Variants in TECR observed in about 807,000 individuals in gnomAD.
The protein encoded by TECR is trans-2,3-enoyl-CoA reductase.
A neutral mutation model predicts 50.6 loss-of-function variants in TECR; 19 were observed. The observed-to-expected ratio is 0.38, with a 90% confidence interval of 0.26 to 0.55. The LOEUF (loss-of-function observed/expected upper bound fraction) is 0.55, where lower values mean the gene tolerates loss of function less well. Among genes scored for constraint, TECR ranks in the 20% least tolerant of loss-of-function variants. The pLI, the probability that TECR is intolerant of heterozygous loss-of-function variation, is 0.79. For missense variants in TECR, 313 were observed against 408.3 expected (o/e 0.77, Z 2.01); for synonymous variants, 168 against 163.5 (o/e 1.03, Z -0.21).
intron 1 of TECR, among the ~76,000 whole-genome samples, chr19:14,555,839 G>A (rs924424629): frequency 2.0e-5 from 3 of 152,178 alleles, no homozygotes; most frequent in Admixed American, 2.0e-4. Flanking sequence ...TCCTGTCTCA[G>A]CCTCCTAAAG....
chr19:14,565,618 G>A lies in TECR; in HGVS notation c.754G>A (p.Val252Met). ...LVSCPNYTYE[V>M]GSWIGFAIMT... is the part of the protein sequence containing the mutation. ...GCTCACTCTCCGCCCCTGCCCACAG[G>A]TGGGGTCCTGGATCGGTTTCGCCAT... The change falls in exon 12 of 13, where the codon GTG (valine) becomes ATG (methionine). Residue 252 changes from valine (V) to methionine (M), a missense_variant and splice_region_variant. Physicochemically the swap from Val to Met is conservative, Grantham distance 21. Transcript: ENST00000215567. The A allele has an allele frequency of 1.9e-6, 3 of 1,611,410 alleles. No homozygotes were observed. Among genetic ancestry groups the A allele is most frequent in the South Asian group, 1.1e-5 (1 of 90,922 alleles).
chr19:14,563,405 C>T lies in TECR; in HGVS notation c.118+148C>T, dbSNP rs554273185. ...GCTTCTGGGGCGTGACTGGGGCAGG[C>T]GCCTCCACGTGGCACTCCGCAGGAA... On this transcript the variant is annotated intron_variant, in intron 3 of 12. Coordinates refer to ENST00000215567, the MANE Select transcript of TECR (RefSeq NM_138501.6). This position sits in a 1 kb window ranked among gnomAD's most constrained non-coding sequence, Gnocchi z 5.3. 4.0e-4 allele frequency: 355 copies of T among 885,784 alleles called. 1 individual carries two copies. The highest frequency in any genetic ancestry group is 3.5e-3 in the South Asian group (245 of 69,146). 54.9% of individuals were successfully genotyped at this position (885,784 alleles called of 1,614,324 possible).
intron 1 of TECR, among the ~76,000 whole-genome samples, chr19:14,560,405 C>T (rs1055467853): frequency 6.6e-6 from 1 of 152,176 alleles, no homozygotes; most frequent in African/African-American, 2.4e-5. Context: ...TGCCTGGGGC[C>T]CAGGAACTAT....
At chr19:14,553,904 C>T (rs1324582917) in intron 1 of TECR, among the ~76,000 whole-genome samples, 1 of 152,132 alleles carries the variant, frequency 6.6e-6, no homozygotes, top group Non-Finnish European at 1.5e-5. Context: ...TACCTGGGGC[C>T]CTGGTTGCAC....
upstream of TECR, chr19:14,529,526 G>A: frequency 1.2e-6 from 1 of 868,824 alleles, no homozygotes; most frequent in African/African-American, 1.7e-5. Flanking sequence ...GCGAACGTGG[G>A]CGCCTCGTGC....
chr19:14,562,474 A>G, intron 1 of TECR, 51 bp from the exon 2 acceptor site: 1 of 1,612,086 alleles, frequency 6.2e-7, no homozygotes, highest in African/African-American at 1.3e-5. Flanking sequence ...CCCCAGGCCC[A>G]CACCCCCAAA....
At position 14,565,859 on chromosome 19, in the gene TECR, C is replaced by T. The variant is rs199776149; in HGVS notation, c.915C>T (p.Pro305=). Reference sequence around the variant, plus strand: ...CGCCCCTGCGCATGCCCATCATCCCCTTCCTGCTCTGAGCGCTCACCCCTG... The same window carrying T: ...CGCCCCTGCGCATGCCCATCATCCCTTTCCTGCTCTGAGCGCTCACCCCTG... ...DYPPLRMPII[P]FLL Residue 305 remains proline, a synonymous_variant, in exon 13 of 13, where the codon CCC becomes CCT. Transcript: ENST00000215567. 158 of 1,593,478 alleles carry T rather than the reference C, an allele frequency of 9.9e-5. 1 individual carries two copies. The highest frequency in any genetic ancestry group is 2.0e-4 in the Middle Eastern group (1 of 5,098).
intron 1 of TECR, chr19:14,530,704 T>C (rs1246590677): frequency 1.3e-5 from 2 of 152,222 alleles, no homozygotes; most frequent in African/African-American, 4.8e-5. Context: ...TATGCCATGC[T>C]GGTCCTCAAA....
intron 7 of TECR, 27 bp from the exon 8 acceptor site, chr19:14,564,759 T>C: frequency 6.2e-7 from 1 of 1,606,588 alleles, no homozygotes; most frequent in Non-Finnish European, 8.5e-7. Context: ...CTGGCCCAAG[T>C]CCCATCCCTG....
intron 1 of TECR, among the ~76,000 whole-genome samples, chr19:14,558,169 G>A (rs1487021626): frequency 6.6e-6 from 1 of 152,162 alleles, no homozygotes; most frequent in Non-Finnish European, 1.5e-5. Context: ...CAGAGAGGTT[G>A]GGTAACTTGC....
At chr19:14,532,969 G>A (rs1022581351) in intron 1 of TECR, among the ~76,000 whole-genome samples, 5 of 151,860 alleles carry the variant, frequency 3.3e-5, no homozygotes, top group African/African-American at 1.2e-4. Context: ...AATTAGCTGG[G>A]TATGGTGGCA....
chr19:14,538,821 A>G (rs2420529), intron 1 of TECR, among the ~76,000 whole-genome samples: 53,342 of 151,662 alleles, frequency 0.35, 9,781 homozygotes, highest in Non-Finnish European at 0.42. Flanking sequence ...ATGAGCCACC[A>G]CGCCTGGCTG....
intron 1 of TECR, among the ~76,000 whole-genome samples, chr19:14,534,235 C>T (rs1275315417): frequency 6.6e-6 from 1 of 151,674 alleles, no homozygotes; most frequent in Non-Finnish European, 1.5e-5. Context: ...CGCCATTCTC[C>T]TGCCTCAGCC....
Position 14,532,817 on chromosome 19 carries a change from A to G in TECR, c.15+3106A>G, listed in dbSNP as rs1189491554. Among the ~76,000 whole-genome samples, 4 of 152,100 alleles carry G rather than the reference A, an allele frequency of 2.6e-5. No individual in the cohort carries two copies. In the East Asian group the frequency reaches 7.8e-4, roughly 30 times the overall value. On this transcript the variant is annotated intron_variant, in intron 1 of 12. Transcript: ENST00000215567. ...GAGAAAAGGTTTGTCTACATCAAAGAATATATTTCTGGCCGGGCGAGGTGG... is the reference window on the plus strand; with the variant it reads ...GAGAAAAGGTTTGTCTACATCAAAGGATATATTTCTGGCCGGGCGAGGTGG...
chr19:14,542,222 C>T (rs1380406860), intron 1 of TECR, among the ~76,000 whole-genome samples: 1 of 152,074 alleles, frequency 6.6e-6, no homozygotes, highest in East Asian at 1.9e-4. Flanking sequence ...GCCTTGACCT[C>T]CCAAAGTGCA....
At chr19:14,540,250 A>G (rs933011582) in intron 1 of TECR, among the ~76,000 whole-genome samples, 1 of 150,312 alleles carries the variant, frequency 6.7e-6, no homozygotes, top group South Asian at 2.1e-4. Flanking sequence ...TTTTATTTTT[A>G]CTAGAGACAG....
intron 1 of TECR, among the ~76,000 whole-genome samples, chr19:14,548,648 A>G (rs8112305): frequency 0.77 from 117,344 of 151,940 alleles, 46,207 homozygotes; most frequent in African/African-American, 0.91. Context: ...TGCGATCTCG[A>G]CTCACTGCAA....
chr19:14,551,946 C>T (rs866261800), intron 1 of TECR, among the ~76,000 whole-genome samples: 36 of 71,240 alleles, frequency 5.1e-4, no homozygotes, highest in Non-Finnish European at 7.7e-4. Flanking sequence ...TCCCTCCCTC[C>T]CTCTCTCTCT....
At position 14,564,031 on chromosome 19, in the gene TECR, A is replaced by G. The variant is rs2073984068; in HGVS notation, c.317A>G (p.Tyr106Cys). 2 of 1,613,806 alleles carry G rather than the reference A, an allele frequency of 1.2e-6. No homozygotes were observed. The highest frequency in any genetic ancestry group is 1.7e-6 in the Non-Finnish European group (2 of 1,179,914). ...CCCCTTTTCATCTACCTGCTCTTCTACTTCCGAGTGCCCTTCATCTATGGC... is the reference window on the plus strand; with the variant it reads ...CCCCTTTTCATCTACCTGCTCTTCTGCTTCCGAGTGCCCTTCATCTATGGC... ...AGPLFIYLLF[Y>C]FRVPFIYGHK... is the part of the protein sequence containing the mutation. Residue 106 changes from tyrosine (Y) to cysteine (C), a missense_variant, in exon 6 of 13, where the codon TAC (tyrosine) becomes TGC (cysteine). Transcript: ENST00000215567.
Sources: allele counts gnomAD v4.1 joint callset (sites outside exome capture counted in the v4.1 genomes callset), GRCh38; gene constraint gnomAD v4.1.1; non-coding constraint Gnocchi (gnomAD v3.1); transcripts MANE v1.5; gene names NCBI Gene and HGNC (gene_info 2026-07-23, HGNC 2026-07-21).